CELF2: variants seen among roughly 807,000 people sequenced by gnomAD.
CELF2 encodes CUGBP Elav-like family member 2.
A neutral mutation model predicts 62.6 loss-of-function variants in CELF2; 8 were observed. The ratio of observed to expected loss-of-function variants is 0.13; its 90% CI spans 0.07 to 0.23. The LOEUF is 0.23. Among genes scored for constraint, CELF2 ranks in the 10% least tolerant of loss-of-function variants. The probability of loss-of-function intolerance (pLI) is 1.00; values close to 1 mark genes in which losing one functional copy is unlikely to be tolerated. For missense variants in CELF2, 333 were observed against 671.0 expected, an observed-to-expected ratio of 0.50 and a Z score of 5.56; for synonymous variants, 258 against 250.0, an observed-to-expected ratio of 1.03 and a Z score of -0.30.
the CELF2 span, among the ~76,000 whole-genome samples, chr10:10,675,201 T>A: frequency 3.6e-4 from 55 of 152,316 alleles, no homozygotes; most frequent in Middle Eastern, 3.4e-3. Context: ...CAATTTTTAT[T>A]TTTCTAAGAA....
intron 1 of CELF2, among the ~76,000 whole-genome samples, chr10:11,120,243 G>C (rs757277879): frequency 6.6e-6 from 1 of 152,006 alleles, no homozygotes; most frequent in Non-Finnish European, 1.5e-5. Flanking sequence ...TTTACACATC[G>C]GTGCAGAAAA....
In CELF2 at chr10:11,302,598, C is replaced by G. The variant is rs944563486; in HGVS notation, c.977-11541C>G. 6.6e-6 allele frequency among the ~76,000 whole-genome samples: 1 copy of G among 152,176 alleles called. No homozygotes were observed. Among genetic ancestry groups the G allele is most frequent in the South Asian group, 2.1e-4 (1 of 4,826 alleles). ...GGCCCTGGGCCAAAGGGACTTGACA[C>G]CACACAACTGTGGTCTTTTTCTTGG... On this transcript the variant is annotated intron_variant, in intron 9 of 12. Coordinates refer to ENST00000633077, the MANE Select transcript of CELF2 (RefSeq NM_001326342.2). This position sits in a 1 kb window ranked among gnomAD's most constrained non-coding sequence, Gnocchi z 5.0.
chr10:10,496,750 A>G, the CELF2 span, among the ~76,000 whole-genome samples: 1 of 152,190 alleles, frequency 6.6e-6, no homozygotes, highest in Non-Finnish European at 1.5e-5. Context: ...CTCTTGCCCT[A>G]CAGGACCTGG....
the CELF2 span, among the ~76,000 whole-genome samples, chr10:10,616,699 TGTGTGTGTGTGTGTGTGTGTGA>T: frequency 1.6e-5 from 2 of 121,534 alleles, no homozygotes; most frequent in South Asian, 7.1e-4. Context: ...TGCGTGTGTG[TGTGTGTGTGTGTGTGTGTGTGA>T]GAGAGAGAGA....
chr10:11,170,470 T>C (rs531389741), intron 2 of CELF2, among the ~76,000 whole-genome samples: 1 of 152,298 alleles, frequency 6.6e-6, no homozygotes, highest in Non-Finnish European at 1.5e-5. Flanking sequence ...ACTTAGATCA[T>C]GTCCATCTGG....
At chr10:10,660,627 G>A in the CELF2 span, among the ~76,000 whole-genome samples, 3 of 152,150 alleles carry the variant, frequency 2.0e-5, no homozygotes, top group Non-Finnish European at 4.4e-5. Flanking sequence ...TCAAGGCTGA[G>A]ACAGCATTTA....
intron 1 of CELF2, among the ~76,000 whole-genome samples, chr10:11,076,969 T>TTGTA (rs1345825391): frequency 2.0e-5 from 3 of 152,214 alleles, no homozygotes; most frequent in Non-Finnish European, 4.4e-5. Context: ...AGTATTGGAC[T>TTGTA]TGTAGATAAT....
At chr10:11,186,020 T>C (rs954743673) in intron 2 of CELF2, among the ~76,000 whole-genome samples, 17 of 152,232 alleles carry the variant, frequency 1.1e-4, no homozygotes, top group African/African-American at 3.9e-4. Flanking sequence ...TTAGTACCTA[T>C]AGGAATAATT....
chr10:10,940,655 G>C (rs2135439649), intron 2 of CELF2, among the ~76,000 whole-genome samples: 1 of 152,208 alleles, frequency 6.6e-6, no homozygotes, highest in African/African-American at 2.4e-5. Flanking sequence ...GAATAGCATG[G>C]GATTGCTTTC....
At chr10:10,548,034 G>C in the CELF2 span, among the ~76,000 whole-genome samples, 1 of 152,136 alleles carries the variant, frequency 6.6e-6, no homozygotes, top group Non-Finnish European at 1.5e-5. Context: ...TATGAGCTCA[G>C]CTTCTATAGA....
At chr10:11,043,252 G>A (rs12265057) in intron 1 of CELF2, among the ~76,000 whole-genome samples, 35 of 152,206 alleles carry the variant, frequency 2.3e-4, no homozygotes, top group African/African-American at 8.0e-4. Context: ...AACTAAGCCC[G>A]GAGGGTATTA....
At chr10:10,654,780 C>T in the CELF2 span, among the ~76,000 whole-genome samples, 1 of 147,864 alleles carries the variant, frequency 6.8e-6, no homozygotes, top group East Asian at 2.0e-4. Context: ...TGGGCAAAAA[C>T]TGGAAGCATT....
In CELF2 at chr10:11,019,128, G is replaced by C. The variant is rs146926035; in HGVS notation, c.74+965G>C. ...TGTCTAATTTTTAGCTGGCTTGATAGGAAAGTTTTTATTAGCTCGGAGGGG... is the reference window on the plus strand; with the variant it reads ...TGTCTAATTTTTAGCTGGCTTGATACGAAAGTTTTTATTAGCTCGGAGGGG... On this transcript the variant is annotated intron_variant, in intron 1 of 12. Coordinates refer to ENST00000633077, the MANE Select transcript of CELF2 (RefSeq NM_001326342.2). 3.5e-3 allele frequency among the ~76,000 whole-genome samples: 535 copies of C among 152,304 alleles called. 3 individuals carry two copies. The highest frequency in any genetic ancestry group is 0.013 in the African/African-American group (521 of 41,564).
At chr10:11,004,472 T>C (rs1043084633), upstream of CELF2, among the ~76,000 whole-genome samples, 3 of 152,070 alleles carry the variant, frequency 2.0e-5, no homozygotes, top group Non-Finnish European at 4.4e-5. This position sits in a 1 kb window ranked among gnomAD's most constrained non-coding sequence, Gnocchi z 5.0. Flanking sequence ...CTAATCTGCG[T>C]AGAATTTTTC....
chr10:10,517,110 T>C, the CELF2 span, among the ~76,000 whole-genome samples: 2 of 152,348 alleles, frequency 1.3e-5, no homozygotes, highest in East Asian at 3.8e-4. Flanking sequence ...TAATATCTAA[T>C]ATTTATTATT....
intron 1 of CELF2, among the ~76,000 whole-genome samples, chr10:11,120,693 A>C (rs1017025765): frequency 4.6e-5 from 7 of 152,168 alleles, no homozygotes; most frequent in African/African-American, 1.4e-4. Flanking sequence ...TGCTGCATCT[A>C]GGGAGTGCTT....
At chr10:10,775,657 A>C in the CELF2 span, among the ~76,000 whole-genome samples, 1 of 152,134 alleles carries the variant, frequency 6.6e-6, no homozygotes, top group Non-Finnish European at 1.5e-5. Flanking sequence ...ACATAGAAAC[A>C]GACCAGGAGG....
the CELF2 span, among the ~76,000 whole-genome samples, chr10:10,728,445 T>C: frequency 6.3e-5 from 7 of 111,842 alleles, no homozygotes; most frequent in Non-Finnish European, 1.0e-4. Context: ...AGCATGAGAC[T>C]CTGTTTCAAA....
rs1161246250 is a variant in CELF2, at chr10:11,297,544, C to A, written c.976+8992C>A. Among the ~76,000 whole-genome samples the A allele has an allele frequency of 6.6e-6, 1 of 152,128 alleles. No homozygotes were observed. Among genetic ancestry groups the A allele is most frequent in the Non-Finnish European group, 1.5e-5 (1 of 68,030 alleles). On this transcript the variant is annotated intron_variant, in intron 9 of 12. Transcript: ENST00000633077. This position sits in a 1 kb window ranked among gnomAD's most constrained non-coding sequence, Gnocchi z 4.4. ...CTGGAGGAGGAAAAGGCAGAAAGAG[C>A]TGACTGAAGTTTGAGTTGGGGAGTG...
Sources: gnomAD v4.1 joint callset for allele counts (sites outside exome capture counted in the v4.1 genomes callset) on GRCh38, gnomAD v4.1.1 for gene constraint, Gnocchi (gnomAD v3.1) non-coding constraint, MANE v1.5 for transcripts, NCBI Gene and HGNC (gene_info 2026-07-23, HGNC 2026-07-21) for gene names.